LARP1: variants seen among roughly 807,000 people sequenced by gnomAD.
LARP1 encodes La ribonucleoprotein 1, translational regulator.
LARP1 carries 36 observed loss-of-function variants against 122.7 expected under a neutral mutation model. The ratio of observed to expected loss-of-function variants is 0.29; its 90% CI spans 0.22 to 0.39. The LOEUF is 0.39. Among genes scored for constraint, LARP1 ranks in the 10% least tolerant of loss-of-function variants. The pLI is 1.00. For missense variants in LARP1, 1,040 were observed against 1,403.6 expected (o/e 0.74, Z 4.14); for synonymous variants, 539 against 528.7 (o/e 1.02, Z -0.27).
chr5:154,747,764 T>C (rs903668167), intron 1 of LARP1, among the ~76,000 whole-genome samples: 3 of 151,926 alleles, frequency 2.0e-5, no homozygotes, highest in Non-Finnish European at 2.9e-5. Flanking sequence ...CTTGGGAGGC[T>C]GAGGCAGGAG....
At chr5:154,745,062 G>A (rs1753118230) in intron 1 of LARP1, among the ~76,000 whole-genome samples, 2 of 151,966 alleles carry the variant, frequency 1.3e-5, no homozygotes, top group Non-Finnish European at 2.9e-5. Flanking sequence ...GCATAGCTGG[G>A]ACTACAGGTG....
chr5:154,709,130 C>T (rs118019350), upstream of LARP1, among the ~76,000 whole-genome samples: 219 of 152,324 alleles, frequency 1.4e-3, 1 homozygote, highest in East Asian at 0.012. Flanking sequence ...ACCTTTTGAA[C>T]TGCAGCCTCT....
At chr5:154,713,695 CT>C (rs1215080030) in intron 1 of LARP1, among the ~76,000 whole-genome samples, 1 of 152,178 alleles carries the variant, frequency 6.6e-6, no homozygotes, top group Non-Finnish European at 1.5e-5. Flanking sequence ...AAAATCCTGC[CT>C]TCACGCCCAA....
chr5:154,719,586 G>A (rs1431167530), intron 1 of LARP1, among the ~76,000 whole-genome samples: 2 of 152,254 alleles, frequency 1.3e-5, no homozygotes, highest in African/African-American at 2.4e-5. Flanking sequence ...TTGTAGCCAG[G>A]CGTGGTGGCT....
intron 1 of LARP1, among the ~76,000 whole-genome samples, chr5:154,760,377 T>C (rs1484629031): frequency 3.9e-5 from 6 of 152,182 alleles, no homozygotes; most frequent in South Asian, 2.1e-4. Flanking sequence ...ATTTTTCTAG[T>C]ATCAAAAATT....
intron 1 of LARP1, among the ~76,000 whole-genome samples, chr5:154,687,467 C>T (rs776710396): frequency 1.1e-4 from 17 of 152,274 alleles, no homozygotes; most frequent in African/African-American, 3.1e-4. Flanking sequence ...CTGCAAGCTC[C>T]GCCTCCTGGG....
In LARP1 at chr5:154,790,722, TG is replaced by T; in HGVS notation, c.564+14del. On this transcript the variant is annotated intron_variant, in intron 3 of 18. Coordinates refer to ENST00000518297, the MANE Select transcript of LARP1 (RefSeq NM_033551.3). The stretch of plus-strand genomic sequence containing the variant: ...ACAAGAGTGTTCAGGTGAGTCTGTG[TG>T]GAAGAATAGGCAGGTTTGAAGTCTC... 6.2e-7 allele frequency: 1 copy of T among 1,613,754 alleles called. No homozygotes were observed. The highest frequency in any genetic ancestry group is 2.2e-5 in the East Asian group (1 of 44,890).
At chr5:154,709,318 T>C (rs1354595160), upstream of LARP1, among the ~76,000 whole-genome samples, 1 of 152,222 alleles carries the variant, frequency 6.6e-6, no homozygotes, top group Non-Finnish European at 1.5e-5. Flanking sequence ...TCACATTCTT[T>C]TCTTTTGAAA....
chr5:154,805,029 A>AAAAC, intron 14 of LARP1: 2 of 401,170 alleles, frequency 5.0e-6, no homozygotes, highest in Non-Finnish European at 1.0e-5. Flanking sequence ...ACATATAGTC[A>AAAAC]ATTAGCACAT....
chr5:154,778,029 A>G (rs1192834958), intron 1 of LARP1, among the ~76,000 whole-genome samples: 2 of 152,158 alleles, frequency 1.3e-5, no homozygotes, highest in Non-Finnish European at 2.9e-5. Context: ...TGGGAGGCCG[A>G]GGCAGGCGGA....
intron 1 of LARP1, among the ~76,000 whole-genome samples, chr5:154,775,951 G>C (rs919686461): frequency 6.6e-6 from 1 of 152,224 alleles, no homozygotes; most frequent in Non-Finnish European, 1.5e-5. Flanking sequence ...GGCACGGCAG[G>C]AGGCCTGGCT....
chr5:154,761,110 CTCT>C (rs1247836764), intron 1 of LARP1, among the ~76,000 whole-genome samples: 2 of 152,220 alleles, frequency 1.3e-5, no homozygotes, highest in East Asian at 3.8e-4. Flanking sequence ...GAATCACTTT[CTCT>C]TCTTCTAAGG....
rs1753869476 is a variant in LARP1 at position 154,756,145 on chromosome 5, AACGCATTGCCGCCGGT to A, written c.389_404del (p.Asn130ThrfsTer2). Reference sequence around the variant, plus strand: ...GCCCAAGGTGAACCCGTGGACTAAGAACGCATTGCCGCCGGTCCTGACCACCGTGAACGGACAGTCC... The same window carrying A: ...GCCCAAGGTGAACCCGTGGACTAAGACCTGACCACCGTGAACGGACAGTCC... On this transcript the variant is annotated frameshift_variant, in exon 1 of 19. Transcript: ENST00000518297. LOFTEE classifies it high-confidence loss of function. 7.6e-7 allele frequency: 1 copy of A among 1,314,780 alleles called. No homozygotes were observed. Among genetic ancestry groups the A allele is most frequent in the Non-Finnish European group, 1.0e-6 (1 of 998,542 alleles). 81.4% of individuals were successfully genotyped at this position (1,314,780 alleles called of 1,614,324 possible).
intron 1 of LARP1, among the ~76,000 whole-genome samples, chr5:154,698,279 T>A (rs950932248): frequency 2.0e-5 from 3 of 152,202 alleles, no homozygotes; most frequent in African/African-American, 7.2e-5. Context: ...AGGGATTCTT[T>A]TTGAGGTGAT....
chr5:154,778,202 G>C lies in LARP1; in HGVS notation c.437-12123G>C, dbSNP rs533426622. Among the ~76,000 whole-genome samples the C allele has an allele frequency of 1.3e-4, 20 of 150,772 alleles. No individual in the cohort carries two copies. In the East Asian group the frequency reaches 3.7e-3, roughly 28 times the overall value. On this transcript the variant is annotated intron_variant, in intron 1 of 18. Coordinates refer to ENST00000518297, the MANE Select transcript of LARP1 (RefSeq NM_033551.3). ...GTGAACCCAGGAGTTAGAGCTTGCA[G>C]TGAGCCGAGATCGCGCTGCTGCACT...
At chr5:154,694,477 C>G (rs911826013) in intron 1 of LARP1, among the ~76,000 whole-genome samples, 6 of 151,938 alleles carry the variant, frequency 3.9e-5, no homozygotes, top group African/African-American at 1.5e-4. Context: ...CCAGGCTGGC[C>G]TGGAACTCCT....
At chr5:154,744,821 T>C in intron 1 of LARP1, among the ~76,000 whole-genome samples, 1 of 133,832 alleles carries the variant, frequency 7.5e-6, no homozygotes, top group Non-Finnish European at 1.6e-5. Context: ...GTATTTTTAG[T>C]AGAGACGGGG....
At chr5:154,756,285 GC>G in intron 1 of LARP1, 92 bp downstream of exon 1, 1 of 1,002,738 alleles carries the variant, frequency 1.0e-6, no homozygotes, top group Non-Finnish European at 1.2e-6. Flanking sequence ...CCCGGGGTCT[GC>G]TACCGGTCAT....
chr5:154,740,658 C>G (rs1016795634), intron 1 of LARP1, among the ~76,000 whole-genome samples: 1 of 152,150 alleles, frequency 6.6e-6, no homozygotes, highest in Non-Finnish European at 1.5e-5. Context: ...GCCTTTCACC[C>G]CTATGCTACA....
Sources: gnomAD v4.1 joint callset for allele counts (sites outside exome capture counted in the v4.1 genomes callset) on GRCh38, gnomAD v4.1.1 for gene constraint, MANE v1.5 for transcripts, NCBI Gene and HGNC (gene_info 2026-07-23, HGNC 2026-07-21) for gene names.